DNAH8: variants seen among roughly 807,000 people sequenced by gnomAD.
DNAH8 encodes the protein dynein axonemal heavy chain 8.
A neutral mutation model predicts 562.1 loss-of-function variants in DNAH8; 382 were observed. That is an observed-to-expected ratio of 0.68 (90% CI 0.63 to 0.74). The LOEUF (loss-of-function observed/expected upper bound fraction) is 0.74. Among genes scored for constraint, DNAH8 ranks in the 30% least tolerant of loss-of-function variants. DNAH8 has a pLI of 0.00. For missense variants in DNAH8, 5,203 were observed against 5,620.4 expected, an observed-to-expected ratio of 0.93 and a Z score of 2.37; for synonymous variants, 1,881 against 1,919.4, an observed-to-expected ratio of 0.98 and a Z score of 0.52.
chr6:38,993,270 T>C (rs1281214672), intron 88 of DNAH8, among the ~76,000 whole-genome samples: 3 of 152,166 alleles, frequency 2.0e-5, no homozygotes, highest in Non-Finnish European at 4.4e-5. Flanking sequence ...ACCTATTAAG[T>C]AGAGGTCAAG....
intron 79 of DNAH8, among the ~76,000 whole-genome samples, chr6:38,943,481 A>G (rs1323954201): frequency 1.4e-5 from 2 of 143,708 alleles, no homozygotes; most frequent in Admixed American, 6.9e-5. Flanking sequence ...CAAGAGTGAC[A>G]GGTTTTTTTT....
At chr6:39,001,979 G>T (rs1765519274) in intron 88 of DNAH8, among the ~76,000 whole-genome samples, 1 of 152,162 alleles carries the variant, frequency 6.6e-6, no homozygotes, top group African/African-American at 2.4e-5. Flanking sequence ...CCACAGCAAG[G>T]AGGAAGCCAT....
Position 38,853,307 on chromosome 6 carries a change from G to T in DNAH8, c.5693G>T (p.Gly1898Val). Residue 1898 changes from glycine (G) to valine (V), a missense_variant, in exon 41 of 93, where the codon GGA becomes GTA. Around this residue, in one of 6 missense-constraint regions of DNAH8, gnomAD observed 2,176 missense variants for 2,365.1 expected, o/e 0.92. Coordinates refer to ENST00000327475, the MANE Select transcript of DNAH8 (RefSeq NM_001206927.2). ...GCTTTCTATCAAATCAGTGATTCAG[G>T]ATTTCAACTCTTACCATTCCTCAGC... ...RSAFYQISDS[G>V]FQLLPFLSHF... is the part of the protein sequence containing the mutation. 2 of 1,613,392 alleles carry T rather than the reference G, an allele frequency of 1.2e-6. No homozygotes were observed. Among genetic ancestry groups the T allele is most frequent in the South Asian group, 2.2e-5 (2 of 90,908 alleles).
intron 35 of DNAH8, among the ~76,000 whole-genome samples, chr6:38,843,941 T>C (rs1268808068): frequency 6.6e-6 from 1 of 152,160 alleles, no homozygotes; most frequent in Non-Finnish European, 1.5e-5. Flanking sequence ...CCAGGTGTTG[T>C]AATAGCGGTC....
At chr6:38,855,916 T>C (rs1776160096) in intron 41 of DNAH8, among the ~76,000 whole-genome samples, 1 of 152,146 alleles carries the variant, frequency 6.6e-6, no homozygotes, top group Non-Finnish European at 1.5e-5. Flanking sequence ...GAACTGTGCA[T>C]TTGAGGGATC....
chr6:38,864,413 C>A (rs556067827), intron 45 of DNAH8, among the ~76,000 whole-genome samples: 1 of 152,290 alleles, frequency 6.6e-6, no homozygotes, highest in African/African-American at 2.4e-5. Flanking sequence ...ATCCCTAAAT[C>A]TTAATTGCTT....
At chr6:38,922,397 T>C (rs1360265825) in intron 71 of DNAH8, among the ~76,000 whole-genome samples, 22 of 152,066 alleles carry the variant, frequency 1.4e-4, no homozygotes, top group Admixed American at 1.4e-3. Context: ...AAAAGGTGCA[T>C]GGCAGTACCC....
chr6:38,945,785 C>T (rs2150616634), intron 80 of DNAH8, among the ~76,000 whole-genome samples, 197 bp downstream of exon 80: 1 of 152,272 alleles, frequency 6.6e-6, no homozygotes, highest in Middle Eastern at 3.4e-3. Context: ...TAGTTGCAGG[C>T]AACTATGTTT....
chr6:38,927,862 A>T lies in DNAH8; in HGVS notation c.11119-1649A>T, dbSNP rs950109816. Among the ~76,000 whole-genome samples, 4 of 152,216 alleles carry T rather than the reference A, an allele frequency of 2.6e-5. No homozygotes were observed. In the South Asian group the frequency reaches 8.3e-4, roughly 32 times the overall value. ...ACCTTCTTGTGGAAGGAATAGAAAT[A>T]TGCCCGAAACTCTTCCTTATTTTAA... On this transcript the variant is annotated intron_variant, in intron 74 of 92. Transcript: ENST00000327475.
chr6:39,004,533 C>T (rs1329343744), intron 88 of DNAH8, among the ~76,000 whole-genome samples: 1 of 152,046 alleles, frequency 6.6e-6, no homozygotes, highest in African/African-American at 2.4e-5. Flanking sequence ...TTTTGCCTTC[C>T]TTTTTTGAAA....
chr6:38,982,886 A>G (rs1416367506), intron 86 of DNAH8, among the ~76,000 whole-genome samples: 1 of 152,250 alleles, frequency 6.6e-6, no homozygotes, highest in Admixed American at 6.5e-5. Context: ...ACTTTCTAGT[A>G]ATGGTCATTC....
intron 88 of DNAH8, among the ~76,000 whole-genome samples, chr6:38,991,021 T>C (rs1257457100): frequency 1.3e-5 from 2 of 152,210 alleles, no homozygotes; most frequent in Non-Finnish European, 2.9e-5. Context: ...GGGGCATTCC[T>C]CTCTCCTAGT....
chr6:38,828,928 T>G (rs532120826), intron 30 of DNAH8, among the ~76,000 whole-genome samples: 2 of 152,294 alleles, frequency 1.3e-5, no homozygotes, highest in East Asian at 1.9e-4. Context: ...ACTAATCTAC[T>G]TTCTGTTTCT....
At chr6:38,957,602 T>TA (rs34391596) in intron 82 of DNAH8, among the ~76,000 whole-genome samples, 1 of 150,814 alleles carries the variant, frequency 6.6e-6, no homozygotes, top group Non-Finnish European at 1.5e-5. Context: ...CTTAACAAAT[T>TA]AAAAAAAACT....
intron 49 of DNAH8, among the ~76,000 whole-genome samples, chr6:38,872,319 A>G (rs1777532667): frequency 6.6e-6 from 1 of 152,238 alleles, no homozygotes; most frequent in South Asian, 2.1e-4. Flanking sequence ...ATGTAATTCA[A>G]GCTCCACATT....
At chr6:38,935,018 G>GA (rs1561883874) in intron 76 of DNAH8, among the ~76,000 whole-genome samples, 2 of 152,010 alleles carry the variant, frequency 1.3e-5, no homozygotes, top group South Asian at 4.1e-4. Flanking sequence ...TATGTAAGAA[G>GA]AAAAAAACTC....
At chr6:38,990,212 TA>T in intron 88 of DNAH8, 40 bp downstream of exon 88, 1 of 1,394,080 alleles carries the variant, frequency 7.2e-7, no homozygotes, top group South Asian at 1.3e-5. Flanking sequence ...GGGTCATTTG[TA>T]ACTCAGTCTG....
intron 91 of DNAH8, among the ~76,000 whole-genome samples, chr6:39,013,365 C>T (rs569210922): frequency 1.3e-5 from 2 of 152,286 alleles, no homozygotes; most frequent in African/African-American, 4.8e-5. Flanking sequence ...TTCACACTTA[C>T]AGATTTAGGA....
At position 38,716,003 on chromosome 6, in the gene DNAH8, G is replaced by A. The variant is rs1237255652; in HGVS notation, c.-35+588G>A. Among the ~76,000 whole-genome samples the A allele has an allele frequency of 9.2e-5, 8 of 87,330 alleles. No individual in the cohort carries two copies. The Admixed American group carries it at 1.1e-3, about 12-fold the overall frequency. The allele number at this position is 87,330 out of a possible 152,430, so 57.3% of individuals were successfully genotyped here. A position where few individuals can be genotyped will look rare whatever the true frequency, so the allele number is the denominator to read the frequency against. ...AGACGGAGTCTCACTCTGCCGCCCA[G>A]GCTGGAGTGCAGTGGTGCGATCTCG... is the stretch of plus-strand genomic sequence containing the variant. On this transcript the variant is annotated intron_variant, in intron 1 of 92. Coordinates refer to ENST00000327475, the MANE Select transcript of DNAH8 (RefSeq NM_001206927.2).
Sources: gnomAD v4.1 joint callset for allele counts (sites outside exome capture counted in the v4.1 genomes callset) on GRCh38, gnomAD v4.1.1 for gene constraint, gnomAD v4.1.1 regional missense constraint, MANE v1.5 for transcripts, NCBI Gene and HGNC (gene_info 2026-07-23, HGNC 2026-07-21) for gene names.